The following STRN3 variants were observed in gnomAD, a reference collection of about 807,000 sequenced individuals.
STRN3 encodes the protein striatin-3.
In STRN3, 29 loss-of-function variants were observed where a neutral mutation model predicts 95.6. The ratio of observed to expected loss-of-function variants is 0.30; its 90% CI spans 0.23 to 0.41. STRN3 has a LOEUF of 0.41. Ranked by LOEUF, STRN3 falls within the 10% of genes least tolerant of loss-of-function variation. STRN3 has a pLI of 1.00. For synonymous variants in STRN3, 331 were observed against 357.6 expected (o/e 0.93, Z 0.84); for missense variants, 890 against 972.1 (o/e 0.92, Z 1.12).
At chr14:30,944,214 G>A (rs1879230074) in intron 5 of STRN3, among the ~76,000 whole-genome samples, 1 of 152,012 alleles carries the variant, frequency 6.6e-6, no homozygotes, top group Admixed American at 6.6e-5. Flanking sequence ...AACCTGTATT[G>A]CTGTAAAATA....
At chr14:30,912,239 G>A in intron 10 of STRN3, 57 bp from the exon 11 acceptor site, 2 of 1,532,366 alleles carry the variant, frequency 1.3e-6, no homozygotes, top group South Asian at 1.3e-5. Flanking sequence ...AAGGCATGTG[G>A]AGTGTTTGTT....
Position 30,968,050 on chromosome 14 carries a change from A to C in STRN3, c.283-11808T>G, listed in dbSNP as rs145841101. 5.6e-4 allele frequency among the ~76,000 whole-genome samples: 85 copies of C among 152,326 alleles called. 2 individuals are homozygous for C. The East Asian group carries it at 0.015, about 27-fold the overall frequency. ...TTTGCACTCAGCCAAGCCTTAAAGT[A>C]CTTACAAAACTAGGAAGGAACCATC... is the stretch of plus-strand genomic sequence containing the variant. On this transcript the variant is annotated intron_variant, in intron 1 of 17. Transcript: ENST00000357479.
chr14:30,915,580 A>C (rs1896717275), intron 9 of STRN3, among the ~76,000 whole-genome samples: 1 of 152,184 alleles, frequency 6.6e-6, no homozygotes, highest in African/African-American at 2.4e-5. Context: ...GCAGCTAAAA[A>C]CTATAAAATC....
At chr14:30,914,694 T>C (rs980117602) in intron 9 of STRN3, among the ~76,000 whole-genome samples, 6 of 88,650 alleles carry the variant, frequency 6.8e-5, no homozygotes, top group Admixed American at 3.2e-4. Flanking sequence ...TTTATTTTAA[T>C]GTCCCATTCT....
At chr14:30,910,819 T>C (rs1378187751) in intron 13 of STRN3, among the ~76,000 whole-genome samples, 2 of 152,178 alleles carry the variant, frequency 1.3e-5, no homozygotes, top group Non-Finnish European at 2.9e-5. Flanking sequence ...TTTTAATTAA[T>C]ATAGTTTTTT....
chr14:30,906,741 G>GT, intron 14 of STRN3, 136 bp downstream of exon 14: 1 of 994,962 alleles, frequency 1.0e-6, no homozygotes, highest in Non-Finnish European at 1.4e-6. Flanking sequence ...TGAGTAAAAA[G>GT]TTTATCCTAA....
In STRN3 at chr14:30,895,385, T is replaced by C; in HGVS notation, c.*26A>G. 2 of 1,577,962 alleles carry C rather than the reference T, an allele frequency of 1.3e-6. No homozygotes were observed. On this transcript the variant is annotated 3_prime_UTR_variant, in exon 18 of 18. Transcript: ENST00000357479. Reference sequence around the variant, plus strand: ...GACCCTCTTTCTGTCCAAGCAAATCTTGTTACGATGCAAGTTTTTGTTGAT... The same window carrying C: ...GACCCTCTTTCTGTCCAAGCAAATCCTGTTACGATGCAAGTTTTTGTTGAT...
In STRN3 at chr14:31,000,291, G is replaced by T. The variant is rs574427199; in HGVS notation, c.282+25613C>A. On this transcript the variant is annotated intron_variant, in intron 1 of 17. Transcript: ENST00000357479. ...TCTTTTTTTCTTCCCAATTTAAAAG[G>T]CAATCACATTAAGCAATAATTAGAC... is the stretch of plus-strand genomic sequence containing the variant. 2.6e-3 allele frequency among the ~76,000 whole-genome samples: 401 copies of T among 151,904 alleles called. 2 individuals carry two copies. The highest frequency in any genetic ancestry group is 4.3e-3 in the Non-Finnish European group (291 of 67,952).
chr14:30,923,884 T>C (rs985367263), intron 8 of STRN3, among the ~76,000 whole-genome samples: 1 of 152,118 alleles, frequency 6.6e-6, no homozygotes, highest in Non-Finnish European at 1.5e-5. Flanking sequence ...GATGCTTCGT[T>C]CATACTGTGA....
chr14:31,020,906 G>GAA (rs879655124), intron 1 of STRN3, among the ~76,000 whole-genome samples: 1 of 143,418 alleles, frequency 7.0e-6, no homozygotes, highest in Admixed American at 7.0e-5. Context: ...ACGCTCTCTT[G>GAA]AAAAAAAAAA....
intron 1 of STRN3, among the ~76,000 whole-genome samples, chr14:30,958,678 T>G (rs1248738359): frequency 6.6e-6 from 1 of 152,230 alleles, no homozygotes; most frequent in East Asian, 1.9e-4. Flanking sequence ...ACCTGTTTTA[T>G]TATTCTGCTT....
In STRN3 at chr14:30,983,164, T is replaced by C. The variant is rs944508021; in HGVS notation, c.283-26922A>G. 2.6e-5 allele frequency among the ~76,000 whole-genome samples: 4 copies of C among 152,158 alleles called. No homozygotes were observed. The South Asian group carries it at 8.3e-4, about 31-fold the overall frequency. On this transcript the variant is annotated intron_variant, in intron 1 of 17. Transcript: ENST00000357479. Reference sequence around the variant, plus strand: ...GTTCTTGGTTTTCTCAACTGTAAAATATGGAAATGACCATATGTGTGCAAT... The same window carrying C: ...GTTCTTGGTTTTCTCAACTGTAAAACATGGAAATGACCATATGTGTGCAAT...
At chr14:30,903,562 C>T (rs1286082353) in intron 15 of STRN3, among the ~76,000 whole-genome samples, 1 of 152,086 alleles carries the variant, frequency 6.6e-6, no homozygotes, top group Non-Finnish European at 1.5e-5. Context: ...CCATGCCCAC[C>T]TAATTTTTTA....
chr14:30,896,069 A>G (rs557513845), intron 16 of STRN3, among the ~76,000 whole-genome samples: 1 of 152,286 alleles, frequency 6.6e-6, no homozygotes, highest in Admixed American at 6.5e-5. Flanking sequence ...GACTCTTTCT[A>G]TAGACTGGCC....
At chr14:30,997,746 T>G (rs575091051) in intron 1 of STRN3, among the ~76,000 whole-genome samples, 2 of 152,068 alleles carry the variant, frequency 1.3e-5, no homozygotes, top group African/African-American at 4.8e-5. Flanking sequence ...AAGCTCAGAG[T>G]AGGAACCCGT....
intron 1 of STRN3, among the ~76,000 whole-genome samples, chr14:30,982,035 T>C (rs189345368): frequency 1.5e-5 from 2 of 131,708 alleles, no homozygotes; most frequent in East Asian, 2.2e-4. Context: ...GGCAGGGAGG[T>C]TGCAGTGAGC....
Position 30,894,952 on chromosome 14 carries a change from T to C in STRN3, c.*459A>G, listed in dbSNP as rs1228456957. 4 of 1,075,830 alleles carry C rather than the reference T, an allele frequency of 3.7e-6. No individual in the cohort carries two copies. In the African/African-American group the frequency reaches 7.5e-5, roughly 20 times the overall value. 66.6% of individuals were successfully genotyped at this position (1,075,830 alleles called of 1,614,324 possible). A position where few individuals can be genotyped will look rare whatever the true frequency, so the allele number is the denominator to read the frequency against. On this transcript the variant is annotated 3_prime_UTR_variant, in exon 18 of 18. Coordinates refer to ENST00000357479, the MANE Select transcript of STRN3 (RefSeq NM_001083893.2). ...AAGGGAATCTGTGGCATTCAACCGA[T>C]AAACAGAAGATCACTAAGAGATGAA...
At chr14:31,019,588 AT>A (rs1883403999) in intron 1 of STRN3, among the ~76,000 whole-genome samples, 1 of 152,200 alleles carries the variant, frequency 6.6e-6, no homozygotes, top group Non-Finnish European at 1.5e-5. Flanking sequence ...ATCTCAAAGA[AT>A]TCTGGCAGGA....
In STRN3 at chr14:31,025,932, T is replaced by C. The variant is rs1280503897; in HGVS notation, c.254A>G (p.His85Arg). 9.4e-6 allele frequency: 15 copies of C among 1,600,974 alleles called. No homozygotes were observed. In the East Asian group the frequency reaches 3.4e-4, roughly 37 times the overall value. ...CAGTTCGGCCCGTTCCACCTCCCAG[T>C]GCGCCCGCTCCATCTCGAACCGAGC... Reference protein sequence around the residue: ...EWARFEMERAHWEVERAELQA... With the variant: ...EWARFEMERARWEVERAELQA... The change falls in exon 1 of 18, where the codon CAC becomes CGC. Residue 85 changes from histidine to arginine, a missense_variant. By Grantham distance (29) the His-to-Arg change is conservative. This residue lies in a region of STRN3 where 526 missense variants were observed against 526.3 expected (regional missense o/e 1.00). Coordinates refer to ENST00000357479, the MANE Select transcript of STRN3 (RefSeq NM_001083893.2).
Sources: allele counts gnomAD v4.1 joint callset (sites outside exome capture counted in the v4.1 genomes callset), GRCh38; gene constraint gnomAD v4.1.1; regional missense constraint gnomAD v4.1.1; transcripts MANE v1.5; gene names NCBI Gene and HGNC (gene_info 2026-07-23, HGNC 2026-07-21).